HYCC1: variants seen among roughly 807,000 people sequenced by gnomAD.
HYCC1 encodes hyccin.
chr7:22,903,185 T>C, the HYCC1 span, among the ~76,000 whole-genome samples: 1 of 152,166 alleles, frequency 6.6e-6, no homozygotes, highest in African/African-American at 2.4e-5. Context: ...AGGTTGAACA[T>C]AGTTTCCACA....
the HYCC1 span, among the ~76,000 whole-genome samples, chr7:22,927,922 T>C: frequency 6.6e-6 from 1 of 152,192 alleles, no homozygotes; most frequent in Non-Finnish European, 1.5e-5. Context: ...TGAACATTGA[T>C]GCAAAAATCC....
the HYCC1 span, chr7:22,943,121 A>G: frequency 6.6e-6 from 1 of 152,134 alleles, no homozygotes; most frequent in Non-Finnish European, 1.5e-5. Flanking sequence ...TTCCATTTAT[A>G]GTTAACAAGA....
chr7:22,957,856 TG>T, the HYCC1 span, among the ~76,000 whole-genome samples: 1 of 152,024 alleles, frequency 6.6e-6, no homozygotes, highest in Non-Finnish European at 1.5e-5. Context: ...ATAAAAAGGC[TG>T]TTGTGGCTCA....
At chr7:22,929,053 T>C in the HYCC1 span, among the ~76,000 whole-genome samples, 2 of 152,194 alleles carry the variant, frequency 1.3e-5, no homozygotes, top group Admixed American at 6.5e-5. Flanking sequence ...TACAACTACC[T>C]GATCTTTGAC....
chr7:22,950,888 C>T, the HYCC1 span, among the ~76,000 whole-genome samples: 6 of 149,788 alleles, frequency 4.0e-5, no homozygotes, highest in Non-Finnish European at 7.4e-5. Flanking sequence ...TAATCCACAC[C>T]TTAAAAAAAA....
the HYCC1 span, among the ~76,000 whole-genome samples, chr7:22,947,846 T>G: frequency 6.6e-6 from 1 of 152,136 alleles, no homozygotes; most frequent in South Asian, 2.1e-4. Context: ...GTATAGTTTT[T>G]GTCTCACATA....
chr7:22,972,550 G>C, the HYCC1 span, among the ~76,000 whole-genome samples: 1 of 152,152 alleles, frequency 6.6e-6, no homozygotes, highest in African/African-American at 2.4e-5. Context: ...AAACAGTCTT[G>C]TATTAAATGT....
the HYCC1 span, chr7:22,939,010 C>T: frequency 2.0e-5 from 3 of 152,310 alleles, no homozygotes; most frequent in African/African-American, 4.8e-5. Context: ...TATTTAACTA[C>T]TGCACACATT....
the HYCC1 span, among the ~76,000 whole-genome samples, chr7:22,972,327 G>T: frequency 6.6e-6 from 1 of 152,154 alleles, no homozygotes. Context: ...GAAGTGAGGA[G>T]AGGCAGGGAT....
At chr7:22,960,945 G>C in the HYCC1 span, among the ~76,000 whole-genome samples, 1 of 152,204 alleles carries the variant, frequency 6.6e-6, no homozygotes. Flanking sequence ...CAGCTACTCG[G>C]GAGGCCGAGG....
chr7:22,912,673 AAG>A, the HYCC1 span, among the ~76,000 whole-genome samples: 3 of 152,238 alleles, frequency 2.0e-5, no homozygotes. Flanking sequence ...TTCATCAGAA[AAG>A]AGAGTTCCAA....
the HYCC1 span, chr7:22,976,651 A>G: frequency 8.3e-7 from 1 of 1,206,262 alleles, no homozygotes; most frequent in Non-Finnish European, 1.2e-6. Flanking sequence ...TTTCTTAAAA[A>G]ATTAGTGGAT....
chr7:22,912,569 C>G, the HYCC1 span, among the ~76,000 whole-genome samples: 6 of 152,284 alleles, frequency 3.9e-5, no homozygotes, highest in African/African-American at 1.4e-4. Flanking sequence ...CTTCAGCTTG[C>G]TCAAGTTAGC....
the HYCC1 span, among the ~76,000 whole-genome samples, chr7:22,999,572 C>G: frequency 6.6e-6 from 1 of 151,930 alleles, no homozygotes; most frequent in Non-Finnish European, 1.5e-5. Context: ...GTCGACAGCC[C>G]GTTCATATAA....
At chr7:22,982,641 C>T in the HYCC1 span, among the ~76,000 whole-genome samples, 1 of 152,158 alleles carries the variant, frequency 6.6e-6, no homozygotes, top group East Asian at 1.9e-4. Context: ...CTTTCCACTC[C>T]TCCTGACGCT....
At chr7:22,996,770 C>T in the HYCC1 span, among the ~76,000 whole-genome samples, 208 of 152,206 alleles carry the variant, frequency 1.4e-3, no homozygotes, top group African/African-American at 4.6e-3. Context: ...AGGCTCTCTA[C>T]AAGTTGCTAA....
the HYCC1 span, among the ~76,000 whole-genome samples, chr7:22,981,108 T>TAAAATCAC: frequency 6.6e-6 from 1 of 152,210 alleles, no homozygotes; most frequent in Non-Finnish European, 1.5e-5. Context: ...TTTATCCTTA[T>TAAAATCAC]AGCTTTATCA....
chr7:22,896,421 A>G, the HYCC1 span, among the ~76,000 whole-genome samples: 1 of 152,110 alleles, frequency 6.6e-6, no homozygotes, highest in Non-Finnish European at 1.5e-5. Flanking sequence ...TTTAAGAGAC[A>G]GGGTACACAG....
At chr7:22,960,288 A>C in the HYCC1 span, 2 of 1,613,824 alleles carry the variant, frequency 1.2e-6, no homozygotes, top group Non-Finnish European at 8.5e-7. Flanking sequence ...CCTTATTGAC[A>C]TGCTGGTTAC....
Sources: gnomAD v4.1 joint callset for allele counts (sites outside exome capture counted in the v4.1 genomes callset) on GRCh38, gnomAD v4.1.1 for gene constraint, MANE v1.5 for transcripts, NCBI Gene and HGNC (gene_info 2026-07-23, HGNC 2026-07-21) for gene names.